Variants in LTBP1 observed in about 807,000 individuals in gnomAD.
The protein encoded by LTBP1 is latent transforming growth factor beta binding protein 1.
A neutral mutation model predicts 207.6 loss-of-function variants in LTBP1; 129 were observed. That is an observed-to-expected ratio of 0.62 (90% CI 0.54 to 0.72). LTBP1 has a LOEUF of 0.72. Ranked by LOEUF, LTBP1 falls within the 30% of genes least tolerant of loss-of-function variation. LTBP1 has a pLI of 0.00. For missense variants in LTBP1, 2,281 were observed against 2,217.2 expected (o/e 1.03, Z -0.58); for synonymous variants, 963 against 833.7 (o/e 1.16, Z -2.67).
chr2:33,397,332 G>GT, intron 33 of LTBP1, 50 bp downstream of exon 33: 1 of 1,595,280 alleles, frequency 6.3e-7, no homozygotes, highest in Non-Finnish European at 8.6e-7. Context: ...CTGACACCCC[G>GT]TATCTCAGTC....
chr2:33,353,863 T>A (rs1479986452), intron 26 of LTBP1, among the ~76,000 whole-genome samples: 22 of 149,790 alleles, frequency 1.5e-4, no homozygotes, highest in African/African-American at 3.9e-4. Context: ...TGTACGCCTT[T>A]TTTTTTTTTT....
chr2:33,159,863 C>G (rs562925959), intron 5 of LTBP1, among the ~76,000 whole-genome samples: 2 of 152,252 alleles, frequency 1.3e-5, no homozygotes, highest in East Asian at 3.9e-4. Context: ...AAAACTGAGG[C>G]CTAGCAAATT....
chr2:33,285,197 A>G (rs1164478027), intron 19 of LTBP1, among the ~76,000 whole-genome samples: 1 of 151,432 alleles, frequency 6.6e-6, no homozygotes, highest in Non-Finnish European at 1.5e-5. Flanking sequence ...GCCCGCCACC[A>G]CGCTTGGCTA....
At chr2:33,163,489 G>A (rs1017686167) in intron 5 of LTBP1, among the ~76,000 whole-genome samples, 1 of 152,186 alleles carries the variant, frequency 6.6e-6, no homozygotes, top group African/African-American at 2.4e-5. Flanking sequence ...AAGCAAGAGC[G>A]AGTGGGGTAG....
At chr2:33,232,684 C>T (rs548401535) in intron 9 of LTBP1, among the ~76,000 whole-genome samples, 16 of 152,204 alleles carry the variant, frequency 1.1e-4, no homozygotes, top group Admixed American at 5.9e-4. Flanking sequence ...AAAGTAAGTA[C>T]ATCTCAAATT....
rs140745850 is a variant in LTBP1, at chr2:33,266,056, C to T, written c.2617+2664C>T. 1.2e-3 allele frequency among the ~76,000 whole-genome samples: 177 copies of T among 152,350 alleles called. 1 individual carries two copies. The highest frequency in any genetic ancestry group is 4.0e-3 in the African/African-American group (168 of 41,582). ...ACCTAGCCACGGCTCCAGATCTAGA[C>T]ATCCCTGCACTCTAAGGGGCTGGGA... On this transcript the variant is annotated intron_variant, in intron 15 of 33. Coordinates refer to ENST00000404816, the MANE Select transcript of LTBP1 (RefSeq NM_206943.4).
chr2:33,027,909 T>C (rs530977799), intron 3 of LTBP1, among the ~76,000 whole-genome samples: 3 of 152,318 alleles, frequency 2.0e-5, no homozygotes, highest in Middle Eastern at 6.8e-3. Flanking sequence ...TATAGCAGTA[T>C]GGTAGTTTGA....
chr2:33,108,230 T>C (rs1281089452), intron 3 of LTBP1, among the ~76,000 whole-genome samples: 2 of 149,774 alleles, frequency 1.3e-5, no homozygotes, highest in East Asian at 2.0e-4. Context: ...TCTGGGGGGC[T>C]GTGGGGCAGA....
chr2:33,292,892 A>G (rs939737341), intron 19 of LTBP1, among the ~76,000 whole-genome samples: 6 of 152,114 alleles, frequency 3.9e-5, no homozygotes, highest in African/African-American at 9.7e-5. Context: ...CCTCCCCCCT[A>G]CAACAAGCCA....
At chr2:32,964,904 G>T (rs979843674) in intron 2 of LTBP1, among the ~76,000 whole-genome samples, 5 of 152,036 alleles carry the variant, frequency 3.3e-5, no homozygotes, top group African/African-American at 1.2e-4. Flanking sequence ...GCTGGGTGTG[G>T]TGGCGTGCAC....
chr2:33,344,716 G>A (rs1448447361), intron 25 of LTBP1, among the ~76,000 whole-genome samples: 1 of 152,180 alleles, frequency 6.6e-6, no homozygotes, highest in African/African-American at 2.4e-5. Context: ...TATACCACCT[G>A]CAGACCGCTT....
intron 2 of LTBP1, among the ~76,000 whole-genome samples, chr2:32,951,763 G>A (rs1677144972): frequency 6.6e-6 from 1 of 152,170 alleles, no homozygotes; most frequent in African/African-American, 2.4e-5. Context: ...TAATATTAGA[G>A]ATTAGTATTG....
intron 8 of LTBP1, among the ~76,000 whole-genome samples, chr2:33,220,043 GA>G (rs955518113): frequency 7.9e-5 from 12 of 152,184 alleles, no homozygotes; most frequent in East Asian, 5.8e-4. Flanking sequence ...AAATGTTGGT[GA>G]AAAAAATCCA....
intron 31 of LTBP1, among the ~76,000 whole-genome samples, chr2:33,377,648 C>T (rs949906947): frequency 2.6e-5 from 4 of 152,158 alleles, no homozygotes; most frequent in Non-Finnish European, 5.9e-5. Flanking sequence ...TTCAGGCATG[C>T]ATGTAAACAA....
At chr2:33,300,722 G>C (rs994582168) in intron 21 of LTBP1, 149 bp downstream of exon 21, 1 of 804,494 alleles carries the variant, frequency 1.2e-6, no homozygotes, top group Non-Finnish European at 1.8e-6. Flanking sequence ...ACATAAGTTA[G>C]GAAAGTCAAT....
chr2:33,208,105 T>C (rs2090014743), intron 7 of LTBP1, among the ~76,000 whole-genome samples: 2 of 152,352 alleles, frequency 1.3e-5, no homozygotes, highest in South Asian at 4.1e-4. Flanking sequence ...TCCAGATTCA[T>C]AGTATTGATG....
intron 7 of LTBP1, among the ~76,000 whole-genome samples, chr2:33,215,980 T>G (rs2090668016): frequency 6.6e-6 from 1 of 152,178 alleles, no homozygotes; most frequent in Non-Finnish European, 1.5e-5. Flanking sequence ...CCCAAAGTGC[T>G]GGGATTACAG....
At chr2:33,112,515 A>C (rs920673605) in intron 4 of LTBP1, among the ~76,000 whole-genome samples, 1 of 151,402 alleles carries the variant, frequency 6.6e-6, no homozygotes, top group African/African-American at 2.4e-5. Flanking sequence ...CTCTGCTCAA[A>C]CCCCCTAAAA....
chr2:33,200,312 AATAATGCCACAT>A (rs1224210271), intron 7 of LTBP1, among the ~76,000 whole-genome samples: 1 of 152,244 alleles, frequency 6.6e-6, no homozygotes, highest in East Asian at 1.9e-4. Flanking sequence ...AGCCCTCAGA[AATAATGCCACAT>A]ATCTACAACT....
Sources: allele counts gnomAD v4.1 joint callset (sites outside exome capture counted in the v4.1 genomes callset), GRCh38; gene constraint gnomAD v4.1.1; transcripts MANE v1.5; gene names NCBI Gene and HGNC (gene_info 2026-07-23, HGNC 2026-07-21).